Variants in MACROD2 observed in about 807,000 individuals in gnomAD.
MACROD2 encodes the protein mono-ADP ribosylhydrolase 2.
Under a neutral mutation model 70.4 loss-of-function variants are expected in MACROD2, and 36 were observed. That is an observed-to-expected ratio of 0.51 (90% CI 0.39 to 0.68). The LOEUF is 0.68. Among genes scored for constraint, MACROD2 ranks in the 30% least tolerant of loss-of-function variants. MACROD2 has a pLI of 0.00. For missense variants in MACROD2, 496 were observed against 538.4 expected (o/e 0.92, Z 0.78); for synonymous variants, 172 against 178.8 (o/e 0.96, Z 0.30).
chr20:15,631,099 T>C (rs2049284263), intron 8 of MACROD2, among the ~76,000 whole-genome samples: 1 of 152,198 alleles, frequency 6.6e-6, no homozygotes, highest in Non-Finnish European at 1.5e-5. Flanking sequence ...CAAACTCTGA[T>C]TCACTGTATT....
chr20:15,349,075 G>A (rs1345922627), intron 6 of MACROD2, among the ~76,000 whole-genome samples: 2 of 152,050 alleles, frequency 1.3e-5, no homozygotes, highest in African/African-American at 4.8e-5. Context: ...TTAGGCTCTG[G>A]AGAATTTTAG....
At chr20:14,948,744 C>T (rs539010168) in intron 5 of MACROD2, among the ~76,000 whole-genome samples, 54 of 152,258 alleles carry the variant, frequency 3.5e-4, no homozygotes, top group Admixed American at 3.3e-3. Context: ...CAATGAGTAA[C>T]GTACCTAAGG....
chr20:16,036,532 G>A (rs1330421014), intron 15 of MACROD2, among the ~76,000 whole-genome samples: 1 of 151,902 alleles, frequency 6.6e-6, no homozygotes. Context: ...CCCCTGCTAG[G>A]AGCTCTGGAA....
chr20:15,467,547 A>G (rs2046910829), intron 7 of MACROD2, among the ~76,000 whole-genome samples: 1 of 152,066 alleles, frequency 6.6e-6, no homozygotes, highest in South Asian at 2.1e-4. Flanking sequence ...TCTCTCTCTC[A>G]TTCCAAATAT....
At chr20:14,217,448 G>A (rs1366052184) in intron 3 of MACROD2, among the ~76,000 whole-genome samples, 6 of 152,116 alleles carry the variant, frequency 3.9e-5, no homozygotes, top group African/African-American at 1.2e-4. Flanking sequence ...AGTTCATCAA[G>A]GATATTGGTC....
At chr20:15,400,526 CAA>C (rs1491585574) in intron 6 of MACROD2, among the ~76,000 whole-genome samples, 2 of 152,132 alleles carry the variant, frequency 1.3e-5, no homozygotes, top group East Asian at 3.8e-4. Context: ...CTATCCAATG[CAA>C]AGTCAATAGA....
chr20:15,532,135 T>C (rs546477573), intron 8 of MACROD2, among the ~76,000 whole-genome samples: 26 of 152,260 alleles, frequency 1.7e-4, no homozygotes, highest in African/African-American at 5.8e-4. Context: ...CATTTTTAAA[T>C]GGGCAGATCT....
chr20:14,438,842 A>C (rs2084088341), intron 3 of MACROD2, among the ~76,000 whole-genome samples: 1 of 152,184 alleles, frequency 6.6e-6, no homozygotes. Flanking sequence ...TTACAGTTTT[A>C]AAAAATAATT....
intron 3 of MACROD2, among the ~76,000 whole-genome samples, chr20:14,287,414 A>T (rs145070536): frequency 1.7e-4 from 25 of 150,088 alleles, no homozygotes; most frequent in Non-Finnish European, 3.0e-4. Context: ...GATGATGATG[A>T]TCATGGTGAT....
At chr20:14,561,978 C>A (rs1430312035) in intron 4 of MACROD2, among the ~76,000 whole-genome samples, 1 of 82,904 alleles carries the variant, frequency 1.2e-5, no homozygotes, top group Non-Finnish European at 2.9e-5. Context: ...GAGCCATAAT[C>A]TTTTTATTTT....
intron 3 of MACROD2, among the ~76,000 whole-genome samples, chr20:14,377,753 C>G (rs755628779): frequency 3.7e-4 from 57 of 152,208 alleles, no homozygotes; most frequent in Non-Finnish European, 8.1e-4. Flanking sequence ...TTCTCTTATA[C>G]TTACAGACTT....
intron 13 of MACROD2, among the ~76,000 whole-genome samples, chr20:15,978,340 T>C (rs1601255867): frequency 1.3e-5 from 2 of 152,172 alleles, no homozygotes; most frequent in East Asian, 3.9e-4. Context: ...CCAGACTTGC[T>C]TACAGCCCTC....
chr20:14,412,576 C>A (rs909261332), intron 3 of MACROD2, among the ~76,000 whole-genome samples: 4 of 152,268 alleles, frequency 2.6e-5, no homozygotes, highest in Admixed American at 1.3e-4. Context: ...GGATAAGAGA[C>A]AAGGCAGTGA....
chr20:15,505,282 T>C (rs1464252321), intron 8 of MACROD2, among the ~76,000 whole-genome samples: 1 of 152,222 alleles, frequency 6.6e-6, no homozygotes, highest in African/African-American at 2.4e-5. Context: ...CAGGAAGTCC[T>C]GCTAGTCAGG....
chr20:14,802,200 C>A (rs985634608), intron 5 of MACROD2, among the ~76,000 whole-genome samples: 2 of 151,946 alleles, frequency 1.3e-5, no homozygotes, highest in Non-Finnish European at 2.9e-5. Flanking sequence ...CATATGAGCA[C>A]CTGCTCTACT....
intron 5 of MACROD2, among the ~76,000 whole-genome samples, chr20:15,135,959 C>A (rs1253625396): frequency 6.6e-6 from 1 of 150,468 alleles, no homozygotes; most frequent in Non-Finnish European, 1.5e-5. Flanking sequence ...CTCCCATTCA[C>A]AATTGCTTCA....
chr20:14,880,054 G>C (rs550392527), intron 5 of MACROD2, among the ~76,000 whole-genome samples: 1 of 152,280 alleles, frequency 6.6e-6, no homozygotes, highest in Admixed American at 6.5e-5. Context: ...TATACAAACT[G>C]TGTGTTGACT....
intron 5 of MACROD2, among the ~76,000 whole-genome samples, chr20:15,196,338 T>C (rs1298166831): frequency 6.6e-6 from 1 of 151,676 alleles, no homozygotes; most frequent in African/African-American, 2.4e-5. Context: ...ATACAACAAA[T>C]GCATTATTTA....
intron 6 of MACROD2, among the ~76,000 whole-genome samples, chr20:15,273,259 G>C (rs1383425472): frequency 6.6e-6 from 1 of 152,034 alleles, no homozygotes; most frequent in Non-Finnish European, 1.5e-5. Flanking sequence ...AAGCCTCCGA[G>C]CCTACATATT....
Sources: allele counts gnomAD v4.1 joint callset (sites outside exome capture counted in the v4.1 genomes callset), GRCh38; gene constraint gnomAD v4.1.1; transcripts MANE v1.5; gene names NCBI Gene and HGNC (gene_info 2026-07-23, HGNC 2026-07-21).